Variants in CCDC186 observed in about 807,000 individuals in gnomAD.
The protein encoded by CCDC186 is coiled-coil domain containing 186.
In CCDC186, 49 loss-of-function variants were observed where a neutral mutation model predicts 113.7. That is an observed-to-expected ratio of 0.43 (90% CI 0.34 to 0.55). The LOEUF (loss-of-function observed/expected upper bound fraction) is 0.55, where lower values mean the gene tolerates loss of function less well. CCDC186 is among the 20% of genes least tolerant of loss of function. The pLI is 0.02. For synonymous variants in CCDC186, 355 were observed against 345.8 expected (o/e 1.03, Z -0.30); for missense variants, 890 against 1,011.1 (o/e 0.88, Z 1.62).
chr10:114,170,527 TG>T lies in CCDC186; in HGVS notation c.-62+3487del, dbSNP rs571666558. The stretch of plus-strand genomic sequence containing the variant: ...TTGTAGAGATGGAGTCTTGCTATGT[TG>T]CCCAGGGTGATCTCAAACTACTGGC... On this transcript the variant is annotated intron_variant, in intron 1 of 15. Transcript: ENST00000369287. Among the ~76,000 whole-genome samples the T allele has an allele frequency of 1.9e-3, 287 of 152,272 alleles. 1 individual carries two copies. The highest frequency in any genetic ancestry group is 3.3e-3 in the Non-Finnish European group (223 of 68,030).
intron 1 of CCDC186, among the ~76,000 whole-genome samples, chr10:114,169,722 A>G (rs1314530357): frequency 6.6e-6 from 1 of 152,230 alleles, no homozygotes; most frequent in African/African-American, 2.4e-5. Flanking sequence ...AAACAAAAGA[A>G]TAACATCTTT....
At chr10:114,171,342 G>A (rs12256668) in intron 1 of CCDC186, among the ~76,000 whole-genome samples, 9,772 of 151,958 alleles carry the variant, frequency 0.064, 343 homozygotes, top group Non-Finnish European at 0.079. Context: ...TAAGAGAACA[G>A]CCTGGGAAAC....
intron 6 of CCDC186, among the ~76,000 whole-genome samples, chr10:114,140,671 C>T (rs926708518): frequency 1.6e-4 from 24 of 152,262 alleles, no homozygotes; most frequent in African/African-American, 5.5e-4. Context: ...CCTATGTTTT[C>T]AAGTACACTA....
Position 114,124,204 on chromosome 10 carries a change from G to C in CCDC186, c.*939C>G, listed in dbSNP as rs2030816521. On this transcript the variant is annotated 3_prime_UTR_variant, in exon 16 of 16. Transcript: ENST00000369287. Reference sequence around the variant, plus strand: ...AACATCACATTTGGGGGAACTGTATGATCACTCCACTATAATACATAATTA... The same window carrying C: ...AACATCACATTTGGGGGAACTGTATCATCACTCCACTATAATACATAATTA... 1 of 152,118 alleles carries C rather than the reference G, an allele frequency of 6.6e-6. No individual in the cohort carries two copies. The highest frequency in any genetic ancestry group is 2.4e-5 in the African/African-American group (1 of 41,396). The allele number at this position is 152,118 out of a possible 1,614,324, so 9.4% of individuals were successfully genotyped here.
At chr10:114,167,571 A>G (rs1332106398) in intron 1 of CCDC186, among the ~76,000 whole-genome samples, 1 of 152,018 alleles carries the variant, frequency 6.6e-6, no homozygotes, top group Non-Finnish European at 1.5e-5. Flanking sequence ...GTATGGGGTA[A>G]AAGGGGAGCC....
Position 114,121,947 on chromosome 10 carries a change from G to C in CCDC186, c.*3196C>G, listed in dbSNP as rs191976116. 1.3e-5 allele frequency: 2 copies of C among 152,328 alleles called. No homozygotes were observed. The highest frequency in any genetic ancestry group is 4.8e-5 in the African/African-American group (2 of 41,416). The allele number at this position is 152,328 out of a possible 1,614,324, so 9.4% of individuals were successfully genotyped here. A position where few individuals can be genotyped will look rare whatever the true frequency, so the allele number is the denominator to read the frequency against. On this transcript the variant is annotated 3_prime_UTR_variant, in exon 16 of 16. Transcript: ENST00000369287. Reference sequence around the variant, plus strand: ...CCAACTCAGCCTCCTGGGTAGCTGGGACCCCAGCCATGTGCCACTGCATCT... The same window carrying C: ...CCAACTCAGCCTCCTGGGTAGCTGGCACCCCAGCCATGTGCCACTGCATCT...
Position 114,163,034 on chromosome 10 carries a change from A to T in CCDC186, c.235T>A (p.Ser79Thr). ...YIPDHGGGED[S>T]CAKTDTGSEN... ...GAGCCTGTGTCTGTTTTGGCACAAG[A>T]ATCCTCACCTCCACCATGATCTGGA... The change falls in exon 2 of 16, where the codon TCT becomes ACT. Residue 79 changes from serine (S) to threonine (T), a missense_variant. Physicochemically the swap from Ser to Thr is moderately conservative, Grantham distance 58. Transcript: ENST00000369287. 6.2e-7 allele frequency: 1 copy of T among 1,614,136 alleles called. No individual in the cohort carries two copies. The highest frequency in any genetic ancestry group is 1.1e-5 in the South Asian group (1 of 91,076).
intron 1 of CCDC186, among the ~76,000 whole-genome samples, chr10:114,165,127 C>T (rs1437048955): frequency 6.6e-6 from 1 of 152,220 alleles, no homozygotes; most frequent in African/African-American, 2.4e-5. Flanking sequence ...CCCTCTGGGG[C>T]ATCAACTAAG....
intron 12 of CCDC186, chr10:114,130,311 A>C: frequency 5.8e-6 from 1 of 172,680 alleles, no homozygotes; most frequent in Non-Finnish European, 1.2e-5. Flanking sequence ...AACAAACTAA[A>C]CTCTATGGCA....
At chr10:114,161,316 G>A (rs1348214836) in intron 2 of CCDC186, among the ~76,000 whole-genome samples, 6 of 152,034 alleles carry the variant, frequency 3.9e-5, no homozygotes, top group African/African-American at 1.2e-4. Context: ...CTGTACAATG[G>A]GGATAACAGC....
In CCDC186 at chr10:114,174,066, GCTCAGGGGCCAA is replaced by G. The variant is rs1223036108; in HGVS notation, c.-125_-114del. On this transcript the variant is annotated 5_prime_UTR_variant, in exon 1 of 16. The change abolishes the stop of an existing upstream ORF in the 5' untranslated region. Transcript: ENST00000369287. Reference sequence around the variant, plus strand: ...CCCTAACAAGGCTGCTGGAGCTCTGGCTCAGGGGCCAACTTTTCCATAGCGGGGTCCAACCAG... The same window carrying G: ...CCCTAACAAGGCTGCTGGAGCTCTGGCTTTTCCATAGCGGGGTCCAACCAG... 1 of 472,132 alleles carries G rather than the reference GCTCAGGGGCCAA, an allele frequency of 2.1e-6. No homozygotes were observed. The highest frequency in any genetic ancestry group is 2.0e-5 in the African/African-American group (1 of 50,216). The allele number at this position is 472,132 out of a possible 1,614,324, so 29.2% of individuals were successfully genotyped here.
At chr10:114,125,465 A>G (rs2030868285) in intron 15 of CCDC186, among the ~76,000 whole-genome samples, 1 of 152,180 alleles carries the variant, frequency 6.6e-6, no homozygotes, top group South Asian at 2.1e-4. Flanking sequence ...TAAAATGATT[A>G]CTTACTATTA....
chr10:114,164,010 C>T (rs2032252108), intron 1 of CCDC186, among the ~76,000 whole-genome samples: 1 of 148,768 alleles, frequency 6.7e-6, no homozygotes, highest in Non-Finnish European at 1.5e-5. Context: ...TAAAATGGAG[C>T]CCATATGCAC....
intron 6 of CCDC186, among the ~76,000 whole-genome samples, chr10:114,144,022 T>G (rs915944867): frequency 6.6e-6 from 1 of 152,026 alleles, no homozygotes; most frequent in Non-Finnish European, 1.5e-5. Context: ...TTAAGGCAAC[T>G]TATTCTTAAA....
chr10:114,151,478 G>A (rs180840559), intron 3 of CCDC186, among the ~76,000 whole-genome samples: 52 of 152,252 alleles, frequency 3.4e-4, no homozygotes, highest in African/African-American at 9.9e-4. Context: ...GTAGAGTCCC[G>A]CCTTATCTGT....
At chr10:114,165,821 C>T (rs1037808776) in intron 1 of CCDC186, 2 of 860,202 alleles carry the variant, frequency 2.3e-6, no homozygotes, top group Non-Finnish European at 2.7e-6. Context: ...GCACTCCAGC[C>T]TGGGCAACAG....
chr10:114,152,929 T>G (rs2031898520), intron 3 of CCDC186, among the ~76,000 whole-genome samples: 1 of 152,314 alleles, frequency 6.6e-6, no homozygotes, highest in East Asian at 1.9e-4. Context: ...CAGAAAGATC[T>G]AACAGATAAA....
In CCDC186 at chr10:114,130,189, A is replaced by G. The variant is rs150626086; in HGVS notation, c.2102-218T>C. 9.6e-4 allele frequency: 345 copies of G among 358,054 alleles called. 2 individuals carry two copies. Among genetic ancestry groups the G allele is most frequent in the African/African-American group, 6.6e-3 (308 of 46,622 alleles). The allele number at this position is 358,054 out of a possible 1,614,324, so 22.2% of individuals were successfully genotyped here. A position where few individuals can be genotyped will look rare whatever the true frequency, so the allele number is the denominator to read the frequency against. On this transcript the variant is annotated intron_variant, in intron 12 of 15. Transcript: ENST00000369287. ...ATACAGAAACAACATTATAACTGAC[A>G]CTGGCATCACTTAATTACAGTGGAG...
chr10:114,172,223 T>C (rs1231707571), intron 1 of CCDC186, among the ~76,000 whole-genome samples: 1 of 152,242 alleles, frequency 6.6e-6, no homozygotes, highest in Non-Finnish European at 1.5e-5. Flanking sequence ...CCAGTCCTTC[T>C]TCAAAGGGAA....
Sources: gnomAD v4.1 joint callset for allele counts (sites outside exome capture counted in the v4.1 genomes callset) on GRCh38, gnomAD v4.1.1 for gene constraint, MANE v1.5 for transcripts, NCBI Gene and HGNC (gene_info 2026-07-23, HGNC 2026-07-21) for gene names.